The following TSPEAR variants were observed in gnomAD, a reference collection of about 807,000 sequenced individuals.
TSPEAR encodes the protein thrombospondin type laminin G domain and EAR repeats.
In TSPEAR, 69 loss-of-function variants were observed where a neutral mutation model predicts 71.6. That is an observed-to-expected ratio of 0.96 (90% CI 0.79 to 1.18). The LOEUF (loss-of-function observed/expected upper bound fraction) is 1.18, where lower values mean the gene tolerates loss of function less well. Ranked by LOEUF, TSPEAR falls within the 50% of genes most tolerant of loss-of-function variation. The probability of loss-of-function intolerance (pLI) is 0.00; values close to 1 mark genes in which losing one functional copy is unlikely to be tolerated. For missense variants in TSPEAR, 971 were observed against 894.9 expected (o/e 1.09, Z -1.09); for synonymous variants, 402 against 387.2 (o/e 1.04, Z -0.45).
Position 44,612,443 on chromosome 21 carries a change from C to T in TSPEAR, c.83-44438G>A, listed in dbSNP as rs1981756133. Reference sequence around the variant, plus strand: ...GGCTTGCTGCACCTCCTCCCCCTGCCAACAGGCCTGCTGTGTGCCTGTGTG... The same window carrying T: ...GGCTTGCTGCACCTCCTCCCCCTGCTAACAGGCCTGCTGTGTGCCTGTGTG... On this transcript the variant is annotated intron_variant, in intron 1 of 11. Coordinates refer to ENST00000323084, the MANE Select transcript of TSPEAR (RefSeq NM_144991.3). The surrounding 1 kb of genome is among the most constrained non-coding windows in gnomAD (Gnocchi z 4.1). 6.2e-7 allele frequency: 1 copy of T among 1,613,210 alleles called. No individual in the cohort carries two copies. Among genetic ancestry groups the T allele is most frequent in the East Asian group, 2.2e-5 (1 of 44,824 alleles).
intron 1 of TSPEAR, chr21:44,697,134 A>T: frequency 6.3e-7 from 1 of 1,578,658 alleles, no homozygotes; most frequent in Non-Finnish European, 8.6e-7. Flanking sequence ...CTTCCCATCC[A>T]GCACCCAGAC....
intron 2 of TSPEAR, chr21:44,558,510 G>T: frequency 6.2e-7 from 1 of 1,613,888 alleles, no homozygotes; most frequent in Non-Finnish European, 8.5e-7. Context: ...GGTGCAGCCT[G>T]ACTGGCAGGG....
At chr21:44,579,695 G>T in intron 1 of TSPEAR, 1 of 1,556,354 alleles carries the variant, frequency 6.4e-7, no homozygotes, top group South Asian at 1.2e-5. Flanking sequence ...CTCCTAACCC[G>T]AGTCAGGACC....
chr21:44,706,513 C>A (rs2146338420), intron 1 of TSPEAR, among the ~76,000 whole-genome samples: 1 of 152,368 alleles, frequency 6.6e-6, no homozygotes, highest in East Asian at 1.9e-4. Context: ...CTGTCCCCAG[C>A]CGTGCAGAAC....
At chr21:44,679,706 CAGAAT>C (rs1986488042) in intron 1 of TSPEAR, among the ~76,000 whole-genome samples, 1 of 152,150 alleles carries the variant, frequency 6.6e-6, no homozygotes, top group Non-Finnish European at 1.5e-5. Flanking sequence ...ATCAATGGAA[CAGAAT>C]AGAGAACCCA....
chr21:44,550,835 C>T (rs233238), intron 2 of TSPEAR: 342,161 of 1,610,160 alleles, frequency 0.21, 38,110 homozygotes, highest in East Asian at 0.4. Flanking sequence ...GCTGGCAGCA[C>T]GGAGAGGAAG....
chr21:44,521,495 G>A (rs781797102), intron 9 of TSPEAR, among the ~76,000 whole-genome samples: 1 of 152,348 alleles, frequency 6.6e-6, no homozygotes, highest in South Asian at 2.1e-4. Flanking sequence ...CTGCCCCAGG[G>A]CCAGGGCCCT....
intron 1 of TSPEAR, among the ~76,000 whole-genome samples, chr21:44,625,325 G>A (rs976831080): frequency 3.3e-5 from 5 of 152,212 alleles, no homozygotes; most frequent in African/African-American, 1.2e-4. Flanking sequence ...ACGCACGGTG[G>A]CTTACGCCTG....
At position 44,591,944 on chromosome 21, in the gene TSPEAR, A is replaced by G. The variant is rs376550661; in HGVS notation, c.83-23939T>C. The G allele has an allele frequency of 9.3e-6, 15 of 1,604,682 alleles. No individual in the cohort carries two copies. The African/African-American group carries it at 1.7e-4, about 18-fold the overall frequency. On this transcript the variant is annotated intron_variant, in intron 1 of 11. Transcript: ENST00000323084. ...GCCTGGCAGCAGGGGCTGGACACACAGCTCACACAGCTAGACTGCTGGCAG... is the reference window on the plus strand; with the variant it reads ...GCCTGGCAGCAGGGGCTGGACACACGGCTCACACAGCTAGACTGCTGGCAG...
At chr21:44,578,045 G>A (rs1369516459) in intron 1 of TSPEAR, among the ~76,000 whole-genome samples, 1 of 152,210 alleles carries the variant, frequency 6.6e-6, no homozygotes, top group East Asian at 1.9e-4. Flanking sequence ...CTGCCACCAA[G>A]TGAATTGTGC....
rs782576857 is a variant in TSPEAR at position 44,522,054 on chromosome 21, G to C, written c.1395C>G (p.Phe465Leu). 1 of 1,614,148 alleles carries C rather than the reference G, an allele frequency of 6.2e-7. No homozygotes were observed. The highest frequency in any genetic ancestry group is 8.5e-7 in the Non-Finnish European group (1 of 1,180,014). ...IYKWNPATRL[F>L]EANQTIATSG... ...AGGTGGCGATGGTCTGGTTGGCCTC[G>C]AAGAGCCGGGTTGCCGGGTTCCACT... The change falls in exon 9 of 12, where the codon TTC (phenylalanine) becomes TTG (leucine). Residue 465 changes from phenylalanine to leucine, a missense_variant. By Grantham distance (22) the Phe-to-Leu change is conservative (BLOSUM62 0). Coordinates refer to ENST00000323084, the MANE Select transcript of TSPEAR (RefSeq NM_144991.3).
intron 8 of TSPEAR, among the ~76,000 whole-genome samples, chr21:44,523,075 T>TAGTCAGTC: frequency 7.1e-6 from 1 of 141,034 alleles, no homozygotes; most frequent in Admixed American, 6.7e-5. Context: ...GTTAGTCAGT[T>TAGTCAGTC]AGTCAGTCAG....
intron 1 of TSPEAR, chr21:44,626,984 T>A: frequency 1.1e-6 from 1 of 901,050 alleles, no homozygotes; most frequent in South Asian, 1.7e-5. Flanking sequence ...CAAACAAACA[T>A]CCCTAATCAT....
At chr21:44,518,800 G>C (rs976035624) in intron 9 of TSPEAR, 8 of 430,386 alleles carry the variant, frequency 1.9e-5, no homozygotes, top group African/African-American at 1.6e-4. Context: ...TTCTGGCAAA[G>C]CTCCTCAAAC....
chr21:44,500,058 C>T (rs587741900), intron 11 of TSPEAR, 122 bp from the exon 12 acceptor site: 3 of 1,015,378 alleles, frequency 3.0e-6, no homozygotes, highest in Non-Finnish European at 4.2e-6. Context: ...CCTCTTCCAT[C>T]CCCCCGACTG....
chr21:44,502,495 C>T (rs1555911193), intron 11 of TSPEAR, among the ~76,000 whole-genome samples: 1 of 152,250 alleles, frequency 6.6e-6, no homozygotes, highest in Non-Finnish European at 1.5e-5. Flanking sequence ...AAGCCAACCC[C>T]ATTCGTTAAA....
Position 44,499,667 on chromosome 21 carries a change from T to G in TSPEAR, c.*116A>C, listed in dbSNP as rs192463683. On this transcript the variant is annotated 3_prime_UTR_variant, in exon 12 of 12. Coordinates refer to ENST00000323084, the MANE Select transcript of TSPEAR (RefSeq NM_144991.3). ...ATGGCCCCACCTGCACCCTGCCTGA[T>G]GCCCAGGCCCGGGATGCCCTAGGCT... The G allele has an allele frequency of 4.4e-5, 51 of 1,156,412 alleles. No homozygotes were observed. The African/African-American group carries it at 6.9e-4, about 16-fold the overall frequency. The allele number at this position is 1,156,412 out of a possible 1,614,324, so 71.6% of individuals were successfully genotyped here. A position where few individuals can be genotyped will look rare whatever the true frequency, so the allele number is the denominator to read the frequency against.
At chr21:44,595,769 C>T (rs902785631) in intron 1 of TSPEAR, among the ~76,000 whole-genome samples, 1 of 152,188 alleles carries the variant, frequency 6.6e-6, no homozygotes, top group African/African-American at 2.4e-5. Context: ...TATGCACATA[C>T]ACATACATAC....
intron 9 of TSPEAR, among the ~76,000 whole-genome samples, chr21:44,521,450 C>T (rs1230244951): frequency 6.6e-6 from 1 of 152,230 alleles, no homozygotes; most frequent in Non-Finnish European, 1.5e-5. Flanking sequence ...CGACCCGGCC[C>T]CCACGCTGCC....
Sources: gnomAD v4.1 joint callset for allele counts (sites outside exome capture counted in the v4.1 genomes callset) on GRCh38, gnomAD v4.1.1 for gene constraint, Gnocchi (gnomAD v3.1) non-coding constraint, MANE v1.5 for transcripts, NCBI Gene and HGNC (gene_info 2026-07-23, HGNC 2026-07-21) for gene names.